The following SLC38A7 variants were observed in gnomAD, a reference collection of about 807,000 sequenced individuals.
The protein encoded by SLC38A7 is solute carrier family 38 member 7, also known as sodium-coupled neutral amino acid transporter 7.
In SLC38A7, 29 loss-of-function variants were observed where a neutral mutation model predicts 50.1. The observed-to-expected ratio is 0.58, with a 90% CI of 0.43 to 0.79. The LOEUF is 0.79. SLC38A7 is among the 30% of genes least tolerant of loss of function. The pLI is 0.00. For missense variants in SLC38A7, 483 were observed against 610.6 expected (o/e 0.79, Z 2.20); for synonymous variants, 244 against 245.9 (o/e 0.99, Z 0.07).
chr16:58,670,436 C>A (rs1343396783), intron 10 of SLC38A7, among the ~76,000 whole-genome samples: 1 of 152,230 alleles, frequency 6.6e-6, no homozygotes, highest in Non-Finnish European at 1.5e-5. Context: ...GGTGGCCCAA[C>A]CCCAGGGGTC....
chr16:58,675,102 C>G (rs1295036601), intron 8 of SLC38A7: 1 of 200,250 alleles, frequency 5.0e-6, no homozygotes, highest in African/African-American at 2.4e-5. Context: ...CTGCCTGGAA[C>G]CCTTCTTCCC....
At position 58,677,410 on chromosome 16, in the gene SLC38A7, A is replaced by G. The variant is rs1597675091; in HGVS notation, c.626T>C (p.Val209Ala). 2 of 1,614,044 alleles carry G rather than the reference A, an allele frequency of 1.2e-6. No individual in the cohort carries two copies. Among genetic ancestry groups the G allele is most frequent in the Non-Finnish European group, 1.7e-6 (2 of 1,179,960 alleles). The change falls in exon 6 of 12, where the codon GTG becomes GCG. Residue 209 changes from valine to alanine, a missense_variant. By Grantham distance (64) the Val-to-Ala change is moderately conservative. Transcript: ENST00000219320. ...GATGGCTGTGACGTACCAGGTACCCACGACGCTCAGGAAGCTGCCGGGAAG... is the reference window on the plus strand; with the variant it reads ...GATGGCTGTGACGTACCAGGTACCCGCGACGCTCAGGAAGCTGCCGGGAAG... ...FQKYASFLSV[V>A]GTWYVTAIVI... is the part of the protein sequence containing the mutation.
At chr16:58,680,910 G>C (rs911772559) in intron 2 of SLC38A7, among the ~76,000 whole-genome samples, 1 of 152,058 alleles carries the variant, frequency 6.6e-6, no homozygotes, top group Admixed American at 6.6e-5. Context: ...CTCCTTTGCC[G>C]CCACCCTTTT....
rs1230121470 is a variant in SLC38A7, at chr16:58,678,181, C to G, written c.611+152G>C. 5.0e-6 allele frequency: 4 copies of G among 807,226 alleles called. No homozygotes were observed. The Admixed American group carries it at 1.3e-4, about 26-fold the overall frequency. The allele number at this position is 807,226 out of a possible 1,614,324, so 50.0% of individuals were successfully genotyped here. ...TGGAGACAGAAAAGGATGGTCTTATCTGAAACCCTGCAAGCCCCGGTCTGC... is the reference window on the plus strand; with the variant it reads ...TGGAGACAGAAAAGGATGGTCTTATGTGAAACCCTGCAAGCCCCGGTCTGC... On this transcript the variant is annotated intron_variant, in intron 5 of 11. Coordinates refer to ENST00000219320, the MANE Select transcript of SLC38A7 (RefSeq NM_018231.3). This position sits in a 1 kb window ranked among gnomAD's most constrained non-coding sequence, Gnocchi z 4.0.
intron 5 of SLC38A7, 197 bp from the exon 6 acceptor site, chr16:58,677,621 C>G: frequency 1.7e-6 from 1 of 577,840 alleles, no homozygotes; most frequent in South Asian, 2.0e-5. Context: ...GCTGGACAGC[C>G]AACAGGGGAC....
In SLC38A7 at chr16:58,678,928, A is replaced by G. The variant is rs748387036; in HGVS notation, c.271-34T>C. The G allele has an allele frequency of 5.6e-6, 9 of 1,601,796 alleles. No individual in the cohort carries two copies. In the South Asian group the frequency reaches 9.9e-5, roughly 18 times the overall value. ...AGAGGCAGAACAAGAGCTTGTGGCA[A>G]AGGCCTGGCAGCAGAGGGCACCCTG... On this transcript the variant is annotated intron_variant, in intron 3 of 11. Transcript: ENST00000219320. The surrounding 1 kb of genome is among the most constrained non-coding windows in gnomAD (Gnocchi z 4.0).
At chr16:58,680,540 C>T (rs2044368952) in intron 2 of SLC38A7, among the ~76,000 whole-genome samples, 1 of 152,170 alleles carries the variant, frequency 6.6e-6, no homozygotes, top group South Asian at 2.1e-4. Flanking sequence ...CATGGATATA[C>T]TTTATCTCAT....
At chr16:58,679,015 AT>A in intron 3 of SLC38A7, 121 bp from the exon 4 acceptor site, 1 of 957,898 alleles carries the variant, frequency 1.0e-6, no homozygotes, top group Non-Finnish European at 1.6e-6. Flanking sequence ...CACAAAGGCA[AT>A]TTTAAGAGAC....
intron 9 of SLC38A7, 97 bp from the exon 10 acceptor site, chr16:58,671,341 G>T: frequency 8.0e-7 from 1 of 1,249,956 alleles, no homozygotes; most frequent in South Asian, 1.4e-5. Flanking sequence ...TAGACTGCGG[G>T]GAAAGCCCCA....
Position 58,675,924 on chromosome 16 carries a change from G to A in SLC38A7, c.883+16C>T, listed in dbSNP as rs761320941. On this transcript the variant is annotated intron_variant, in intron 8 of 11. Coordinates refer to ENST00000219320, the MANE Select transcript of SLC38A7 (RefSeq NM_018231.3). ...GAGCACTCTAGTCCCAGGTCTTGGG[G>A]GGGGGGAGCACTCACCTGTCCCCAT... is the stretch of plus-strand genomic sequence containing the variant. 1.4e-5 allele frequency: 22 copies of A among 1,587,920 alleles called. No homozygotes were observed. The highest frequency in any genetic ancestry group is 5.6e-5 in the South Asian group (5 of 88,574).
At chr16:58,679,666 T>C (rs1321180894) in intron 3 of SLC38A7, 191 bp downstream of exon 3, 12 of 646,562 alleles carry the variant, frequency 1.9e-5, no homozygotes, top group Admixed American at 3.4e-5. Flanking sequence ...TCTCTGATTG[T>C]TGGAAGGCTT....
chr16:58,668,713 C>CAA (rs71155292), intron 11 of SLC38A7, among the ~76,000 whole-genome samples: 2,076 of 33,240 alleles, frequency 0.062, 102 homozygotes, highest in Non-Finnish European at 0.082. Flanking sequence ...AACTCCATCT[C>CAA]AAAAAAAAAA....
intron 2 of SLC38A7, among the ~76,000 whole-genome samples, chr16:58,682,860 G>C (rs866877396): frequency 8.5e-5 from 13 of 152,102 alleles, no homozygotes; most frequent in African/African-American, 3.1e-4. Flanking sequence ...TTGAACTCCT[G>C]ACCTTGTGAT....
intron 3 of SLC38A7, 124 bp downstream of exon 3, chr16:58,679,733 C>A: frequency 7.8e-7 from 1 of 1,281,086 alleles, no homozygotes; most frequent in Admixed American, 1.9e-5. Context: ...TCATGTCTGC[C>A]ATGTGTGAGG....
intron 2 of SLC38A7, among the ~76,000 whole-genome samples, chr16:58,682,425 C>A (rs2044410846): frequency 6.6e-6 from 1 of 152,030 alleles, no homozygotes; most frequent in African/African-American, 2.4e-5. Flanking sequence ...GGTACTCATA[C>A]AAAACTCCAT....
In SLC38A7 at chr16:58,678,869, C is replaced by G; in HGVS notation, c.296G>C (p.Gly99Ala). The change falls in exon 4 of 12, where the codon GGC (glycine) becomes GCC (alanine). Residue 99 changes from glycine to alanine, a missense_variant. Coordinates refer to ENST00000219320, the MANE Select transcript of SLC38A7 (RefSeq NM_018231.3). This position sits in a 1 kb window ranked among gnomAD's most constrained non-coding sequence, Gnocchi z 4.0. ...QMGMLVFIIS[G>A]LVILAYCSQA... ...GGAGCAGTAGGCCAGGATGACAAGG[C>G]CACTGATGATGAAAACCAGCATACC... The G allele has an allele frequency of 6.2e-7, 1 of 1,613,922 alleles. No individual in the cohort carries two copies. Among genetic ancestry groups the G allele is most frequent in the Middle Eastern group, 1.7e-4 (1 of 6,058 alleles).
chr16:58,676,971 A>G (rs1345490322), intron 6 of SLC38A7, among the ~76,000 whole-genome samples: 2 of 151,404 alleles, frequency 1.3e-5, no homozygotes, highest in East Asian at 2.0e-4. Flanking sequence ...TTTTTTTTTA[A>G]TAATAAATTC....
At chr16:58,681,564 C>T (rs1196766838) in intron 2 of SLC38A7, 1 of 152,084 alleles carries the variant, frequency 6.6e-6, no homozygotes, top group Non-Finnish European at 1.5e-5. Context: ...ATCAAGTCCA[C>T]CCCCAGATCA....
intron 2 of SLC38A7, among the ~76,000 whole-genome samples, chr16:58,682,356 C>T (rs549694343): frequency 5.3e-5 from 8 of 151,950 alleles, no homozygotes; most frequent in African/African-American, 1.7e-4. Context: ...CCCAGGCTGG[C>T]GAAATCTGCC....
Sources: gnomAD v4.1 joint callset for allele counts (sites outside exome capture counted in the v4.1 genomes callset) on GRCh38, gnomAD v4.1.1 for gene constraint, Gnocchi (gnomAD v3.1) non-coding constraint, MANE v1.5 for transcripts, NCBI Gene and HGNC (gene_info 2026-07-23, HGNC 2026-07-21) for gene names.